Variants in KAZN observed in about 807,000 individuals in gnomAD.
KAZN encodes the protein kazrin, periplakin interacting protein.
In KAZN, 40 loss-of-function variants were observed where a neutral mutation model predicts 87.4. That is an observed-to-expected ratio of 0.46 (90% CI 0.36 to 0.60). The LOEUF is 0.60. Among genes scored for constraint, KAZN ranks in the 20% least tolerant of loss-of-function variants. The pLI is 0.00. For missense variants in KAZN, 898 were observed against 1,073.9 expected (o/e 0.84, Z 2.29); for synonymous variants, 466 against 458.3 (o/e 1.02, Z -0.22).
At chr1:14,525,396 T>C (rs1002487301) in intron 2 of KAZN, among the ~76,000 whole-genome samples, 16 of 152,364 alleles carry the variant, frequency 1.1e-4, no homozygotes, top group Non-Finnish European at 2.4e-4. Flanking sequence ...ATGAGGTGTC[T>C]GTTGCAACTA....
chr1:14,023,442 C>T (rs1447571546), intron 1 of KAZN, among the ~76,000 whole-genome samples: 1 of 152,166 alleles, frequency 6.6e-6, no homozygotes, highest in East Asian at 1.9e-4. Flanking sequence ...GTTTTATTAA[C>T]ATCATCATTC....
At chr1:14,523,567 T>C (rs1170140249) in intron 2 of KAZN, among the ~76,000 whole-genome samples, 1 of 152,252 alleles carries the variant, frequency 6.6e-6, no homozygotes, top group Non-Finnish European at 1.5e-5. Flanking sequence ...CCAGCTTTTT[T>C]GCTGCTCCAT....
At chr1:14,692,144 C>T (rs752012558) in intron 1 of KAZN, 103 of 332,246 alleles carry the variant, frequency 3.1e-4, no homozygotes, top group South Asian at 1.2e-3. Flanking sequence ...CTAGCTTCAC[C>T]GAATCTAGTA....
intron 1 of KAZN, among the ~76,000 whole-genome samples, chr1:14,958,440 G>C: frequency 6.6e-6 from 1 of 151,940 alleles, no homozygotes; most frequent in Non-Finnish European, 1.5e-5. Context: ...GGCACTTCCT[G>C]GGTACATGGA....
intron 1 of KAZN, among the ~76,000 whole-genome samples, chr1:14,792,917 G>A (rs2744865): frequency 0.77 from 115,618 of 150,314 alleles, 44,555 homozygotes; most frequent in South Asian, 0.83. Flanking sequence ...TGGAGGTTGC[G>A]GTGAGCCAAG....
upstream of KAZN, among the ~76,000 whole-genome samples, chr1:14,593,838 C>A (rs944926240): frequency 6.6e-6 from 1 of 152,108 alleles, no homozygotes; most frequent in African/African-American, 2.4e-5. Context: ...GAGTGGTGAG[C>A]AAGTGGTGTG....
At chr1:13,985,659 C>G (rs1638984312) in intron 1 of KAZN, among the ~76,000 whole-genome samples, 1 of 151,872 alleles carries the variant, frequency 6.6e-6, no homozygotes, top group Admixed American at 6.6e-5. Flanking sequence ...AAACCCTGTA[C>G]CTGTTAACAG....
intron 1 of KAZN, among the ~76,000 whole-genome samples, chr1:14,847,369 G>A (rs1205574770): frequency 2.6e-5 from 4 of 152,166 alleles, no homozygotes; most frequent in African/African-American, 9.7e-5. Flanking sequence ...CACTGGCTGT[G>A]TTTCCCTTGC....
intron 1 of KAZN, among the ~76,000 whole-genome samples, chr1:14,852,419 G>A (rs745567958): frequency 1.3e-5 from 2 of 152,194 alleles, no homozygotes; most frequent in African/African-American, 4.8e-5. Flanking sequence ...CCAGGCCTGC[G>A]AATGAGGAGG....
Position 14,967,857 on chromosome 1 carries a change from C to T in KAZN, c.418+6982C>T, listed in dbSNP as rs568804196. 6.6e-5 allele frequency among the ~76,000 whole-genome samples: 10 copies of T among 152,320 alleles called. No homozygotes were observed. In the East Asian group the frequency reaches 1.3e-3, roughly 21 times the overall value. On this transcript the variant is annotated intron_variant, in intron 2 of 14. Coordinates refer to ENST00000376030, the MANE Select transcript of KAZN (RefSeq NM_201628.3). ...TAGCCCGGTAACACCCATTTTAGACCTTTGACCTCCAGAACTACTATAAGA... is the reference window on the plus strand; with the variant it reads ...TAGCCCGGTAACACCCATTTTAGACTTTTGACCTCCAGAACTACTATAAGA...
At chr1:14,537,225 G>A (rs1557784599) in intron 2 of KAZN, among the ~76,000 whole-genome samples, 2 of 152,114 alleles carry the variant, frequency 1.3e-5, no homozygotes, top group Admixed American at 6.6e-5. Flanking sequence ...CCAAACATCA[G>A]GGAGCCATAC....
intron 2 of KAZN, among the ~76,000 whole-genome samples, chr1:14,432,761 T>C (rs1014525618): frequency 6.6e-6 from 1 of 152,022 alleles, no homozygotes; most frequent in African/African-American, 2.4e-5. Flanking sequence ...GTGTGTGTTG[T>C]TCCTCTCCGT....
chr1:14,078,588 T>C (rs1229138444), intron 1 of KAZN, among the ~76,000 whole-genome samples: 1 of 152,202 alleles, frequency 6.6e-6, no homozygotes, highest in Admixed American at 6.5e-5. Context: ...CACCGGCAGA[T>C]TGAGTGTCTG....
intron 2 of KAZN, among the ~76,000 whole-genome samples, chr1:14,445,435 G>A (rs1666933674): frequency 6.6e-6 from 1 of 152,174 alleles, no homozygotes; most frequent in Non-Finnish European, 1.5e-5. Flanking sequence ...ATGAGCTAAG[G>A]AATGTCATAG....
intron 4 of KAZN, among the ~76,000 whole-genome samples, chr1:15,048,504 C>T (rs934451748): frequency 4.6e-5 from 7 of 152,220 alleles, no homozygotes; most frequent in African/African-American, 1.7e-4. Flanking sequence ...CCTACCGTTG[C>T]CCCCGCAGGA....
intron 1 of KAZN, among the ~76,000 whole-genome samples, chr1:14,874,852 G>GA (rs912101464): frequency 2.6e-5 from 4 of 151,558 alleles, no homozygotes; most frequent in African/African-American, 9.7e-5. Context: ...AAAATGAGAG[G>GA]AAAAAAAACT....
chr1:14,879,042 C>G (rs1457045600), intron 1 of KAZN, among the ~76,000 whole-genome samples: 1 of 152,174 alleles, frequency 6.6e-6, no homozygotes, highest in Non-Finnish European at 1.5e-5. Flanking sequence ...TTTTTCCTCT[C>G]CCTTTAAATC....
chr1:14,780,951 A>G (rs1284898460), intron 1 of KAZN, among the ~76,000 whole-genome samples: 1 of 152,248 alleles, frequency 6.6e-6, no homozygotes, highest in African/African-American at 2.4e-5. Context: ...CTGCACTTGC[A>G]GCTGGAGTTA....
chr1:14,464,768 T>A (rs1449136428), intron 2 of KAZN, among the ~76,000 whole-genome samples: 1 of 152,022 alleles, frequency 6.6e-6, no homozygotes, highest in Non-Finnish European at 1.5e-5. Flanking sequence ...CTCAAACTCC[T>A]GACCTCAAGT....
Sources: gnomAD v4.1 joint callset for allele counts (sites outside exome capture counted in the v4.1 genomes callset) on GRCh38, gnomAD v4.1.1 for gene constraint, MANE v1.5 for transcripts, NCBI Gene and HGNC (gene_info 2026-07-23, HGNC 2026-07-21) for gene names.